The following PPFIA1 variants were observed in gnomAD, a reference collection of about 807,000 sequenced individuals.
PPFIA1 encodes liprin-alpha-1.
PPFIA1 carries 25 observed loss-of-function variants against 149.9 expected under a neutral mutation model. The observed-to-expected ratio is 0.17, with a 90% CI of 0.12 to 0.23. The LOEUF (loss-of-function observed/expected upper bound fraction) is 0.23, where lower values mean the gene tolerates loss of function less well. Ranked by LOEUF, PPFIA1 falls within the 10% of genes least tolerant of loss-of-function variation. PPFIA1 has a pLI of 1.00. For synonymous variants in PPFIA1, 549 were observed against 552.8 expected (o/e 0.99, Z 0.10); for missense variants, 1,362 against 1,506.5 (o/e 0.90, Z 1.59).
intron 21 of PPFIA1, among the ~76,000 whole-genome samples, chr11:70,368,952 C>A (rs572213098): frequency 1.2e-4 from 16 of 138,384 alleles, no homozygotes; most frequent in Admixed American, 3.6e-4. Context: ...CACAGTCAGT[C>A]TTTTTTTTTT....
Position 70,372,573 on chromosome 11 carries a change from A to T in PPFIA1, c.3138A>T (p.Lys1046Asn), listed in dbSNP as rs2057317986. ...GAGAAGAAAGTCAGAGTGAAATAAA[A>T]GGTTAGTACATGACATTTAATTGAT... ...RKREESQSEI[K>N]DVLVWSNDRV... Residue 1046 changes from lysine (K) to asparagine (N), a missense_variant and splice_region_variant, in exon 23 of 28, where the codon AAA becomes AAT. Lys to Asn is a moderately conservative substitution (Grantham distance 94, BLOSUM62 0). This residue lies in a region of PPFIA1 where 349 missense variants were observed against 373.3 expected (regional missense o/e 0.93). Coordinates refer to ENST00000253925, the MANE Select transcript of PPFIA1 (RefSeq NM_003626.5). 6.2e-7 allele frequency: 1 copy of T among 1,603,554 alleles called. No individual in the cohort carries two copies. The highest frequency in any genetic ancestry group is 1.3e-5 in the African/African-American group (1 of 74,832).
chr11:70,295,293 A>C (rs1205258365), intron 2 of PPFIA1, among the ~76,000 whole-genome samples: 10 of 74,152 alleles, frequency 1.3e-4, no homozygotes, highest in Admixed American at 6.2e-4. Context: ...TGACCCCCCC[A>C]CCTCCCTCCC....
intron 16 of PPFIA1, among the ~76,000 whole-genome samples, chr11:70,350,712 G>A (rs993810976): frequency 6.6e-6 from 1 of 152,130 alleles, no homozygotes; most frequent in Non-Finnish European, 1.5e-5. Context: ...ATAGATGATT[G>A]TTAGGGCCTT....
At chr11:70,370,318 T>G (rs993164908) in intron 21 of PPFIA1, among the ~76,000 whole-genome samples, 3 of 152,094 alleles carry the variant, frequency 2.0e-5, no homozygotes, top group African/African-American at 7.2e-5. Flanking sequence ...TTCTGTTTCA[T>G]TGATTTCTGC....
chr11:70,316,992 A>C (rs1407640344), intron 2 of PPFIA1, among the ~76,000 whole-genome samples: 1 of 152,250 alleles, frequency 6.6e-6, no homozygotes, highest in Non-Finnish European at 1.5e-5. Context: ...GATAATGTCA[A>C]ATAGAAATAC....
At chr11:70,271,063 C>A (rs2050040338) in intron 1 of PPFIA1, 149 bp downstream of exon 1, 1 of 151,902 alleles carries the variant, frequency 6.6e-6, no homozygotes, top group Non-Finnish European at 1.5e-5. Flanking sequence ...CGCCGGGTCG[C>A]GCTGGGAGAG....
At chr11:70,369,837 G>A (rs572529745) in intron 21 of PPFIA1, among the ~76,000 whole-genome samples, 1 of 151,966 alleles carries the variant, frequency 6.6e-6, no homozygotes, top group Non-Finnish European at 1.5e-5. Flanking sequence ...AGGTCTCGCT[G>A]TGTTGCCCAG....
chr11:70,277,056 A>ATTTT (rs1256611836), intron 2 of PPFIA1, among the ~76,000 whole-genome samples: 9 of 31,614 alleles, frequency 2.8e-4, no homozygotes, highest in Non-Finnish European at 4.7e-4. Context: ...ATATATATAT[A>ATTTT]TATATTTTTT....
chr11:70,351,728 A>T (rs909434992), intron 16 of PPFIA1, among the ~76,000 whole-genome samples: 2 of 152,182 alleles, frequency 1.3e-5, no homozygotes, highest in Non-Finnish European at 2.9e-5. Context: ...CATTTTACAG[A>T]TGTGGAAACT....
chr11:70,278,870 G>A, intron 2 of PPFIA1: 1 of 481,678 alleles, frequency 2.1e-6, no homozygotes, highest in Non-Finnish European at 4.0e-6. Context: ...ACAGCTGGTA[G>A]AGTGTTTAGG....
intron 16 of PPFIA1, among the ~76,000 whole-genome samples, chr11:70,353,994 C>T (rs573908299): frequency 2.8e-4 from 42 of 152,262 alleles, no homozygotes; most frequent in Middle Eastern, 3.4e-3. Flanking sequence ...AGAGACTGTC[C>T]TCATGATGTG....
chr11:70,289,288 T>C (rs926966973), intron 2 of PPFIA1, among the ~76,000 whole-genome samples: 1 of 152,172 alleles, frequency 6.6e-6, no homozygotes, highest in Non-Finnish European at 1.5e-5. Context: ...GCATCTTTTA[T>C]GTCCTTTCAT....
chr11:70,309,271 G>A (rs1377369291), intron 2 of PPFIA1, among the ~76,000 whole-genome samples: 1 of 152,098 alleles, frequency 6.6e-6, no homozygotes, highest in Non-Finnish European at 1.5e-5. Context: ...TCGGGTTCAA[G>A]CGATTCTCCT....
intron 3 of PPFIA1, 151 bp downstream of exon 3, chr11:70,324,654 A>G: frequency 2.3e-6 from 2 of 873,082 alleles, no homozygotes; most frequent in Non-Finnish European, 3.6e-6. Context: ...AGTCAGCATG[A>G]TCACACATTA....
At chr11:70,299,302 G>T (rs2052311092) in intron 2 of PPFIA1, among the ~76,000 whole-genome samples, 1 of 152,084 alleles carries the variant, frequency 6.6e-6, no homozygotes, top group African/African-American at 2.4e-5. Flanking sequence ...AGAATAAAAT[G>T]GTTTTCTTTT....
intron 2 of PPFIA1, among the ~76,000 whole-genome samples, chr11:70,313,211 C>T (rs544009051): frequency 3.3e-5 from 5 of 152,302 alleles, no homozygotes; most frequent in African/African-American, 9.6e-5. Flanking sequence ...TCTGTGTGCT[C>T]ATGGTGTCAC....
In PPFIA1 at chr11:70,382,092, T is replaced by C. The variant is rs144523703; in HGVS notation, c.3555T>C (p.Asn1185=). ...CTCTCGTGGCTGTTGAAACAGGCAA[T>C]GTATCAGGAACACAGAGGTTGGATT... ...MQPKKMQMDG[N]VSGTQRLDSA... Residue 1185 remains asparagine, a synonymous_variant, in exon 27 of 28, where the codon AAT becomes AAC. Transcript: ENST00000253925. 2 of 1,613,972 alleles carry C rather than the reference T, an allele frequency of 1.2e-6. No individual in the cohort carries two copies. The highest frequency in any genetic ancestry group is 2.7e-5 in the African/African-American group (2 of 74,924).
chr11:70,285,903 C>A (rs1042967806), intron 2 of PPFIA1, among the ~76,000 whole-genome samples: 2 of 152,002 alleles, frequency 1.3e-5, no homozygotes, highest in Non-Finnish European at 2.9e-5. Flanking sequence ...GTTATTTAGC[C>A]CACATTTTTT....
intron 19 of PPFIA1, chr11:70,358,170 G>A (rs1426621797): frequency 3.3e-5 from 5 of 152,164 alleles, no homozygotes; most frequent in Admixed American, 6.5e-5. Flanking sequence ...GGGCAGTTTC[G>A]TTTCTTTCAC....
Sources: gnomAD v4.1 joint callset for allele counts (sites outside exome capture counted in the v4.1 genomes callset) on GRCh38, gnomAD v4.1.1 for gene constraint, gnomAD v4.1.1 regional missense constraint, MANE v1.5 for transcripts, NCBI Gene and HGNC (gene_info 2026-07-23, HGNC 2026-07-21) for gene names.